The following ITGA8 variants were observed in gnomAD, a reference collection of about 807,000 sequenced individuals.
ITGA8 encodes the protein integrin subunit alpha 8.
Under a neutral mutation model 142.3 loss-of-function variants are expected in ITGA8, and 91 were observed. That is an observed-to-expected ratio of 0.64 (90% CI 0.54 to 0.76). The LOEUF is 0.76. Among genes scored for constraint, ITGA8 ranks in the 30% least tolerant of loss-of-function variants. The pLI is 0.00. For synonymous variants in ITGA8, 505 were observed against 485.2 expected, an observed-to-expected ratio of 1.04 and a Z score of -0.54; for missense variants, 1,406 against 1,327.7, an observed-to-expected ratio of 1.06 and a Z score of -0.92.
intron 8 of ITGA8, among the ~76,000 whole-genome samples, chr10:15,666,901 G>A (rs1211905231): frequency 3.9e-5 from 6 of 152,186 alleles, no homozygotes; most frequent in Admixed American, 2.0e-4. Context: ...TTTTTCATGT[G>A]CTGCTGGATT....
chr10:15,636,845 A>G (rs1833779700), intron 13 of ITGA8, among the ~76,000 whole-genome samples: 2 of 152,190 alleles, frequency 1.3e-5, no homozygotes, highest in Non-Finnish European at 2.9e-5. Context: ...GTAAGGCACA[A>G]TAGTGAAAAA....
chr10:15,516,981 G>A lies in ITGA8; in HGVS notation c.*177C>T. 1 of 483,306 alleles carries A rather than the reference G, an allele frequency of 2.1e-6. No homozygotes were observed. Among genetic ancestry groups the A allele is most frequent in the South Asian group, 2.7e-5 (1 of 37,548 alleles). 29.9% of individuals were successfully genotyped at this position (483,306 alleles called of 1,614,324 possible). ...TTTCCTTTTCCAACAGGGCTCACTGGGCACCCAGGACAATTTCTCCAAAGT... is the reference window on the plus strand; with the variant it reads ...TTTCCTTTTCCAACAGGGCTCACTGAGCACCCAGGACAATTTCTCCAAAGT... On this transcript the variant is annotated 3_prime_UTR_variant, in exon 30 of 30. Transcript: ENST00000378076.
intron 6 of ITGA8, 66 bp downstream of exon 6, chr10:15,677,526 A>T (rs1588717481): frequency 1.6e-6 from 2 of 1,271,294 alleles, no homozygotes; most frequent in East Asian, 2.4e-5. Context: ...ATTTAACACT[A>T]CTTCTGGGTC....
At chr10:15,664,686 T>G (rs1235202241) in intron 8 of ITGA8, among the ~76,000 whole-genome samples, 1 of 97,412 alleles carries the variant, frequency 1.0e-5, no homozygotes, top group Non-Finnish European at 1.9e-5. Context: ...CCCACAACAG[T>G]CCCCAGTGTG....
intron 13 of ITGA8, among the ~76,000 whole-genome samples, chr10:15,641,725 G>T (rs148253153): frequency 1.3e-5 from 2 of 152,074 alleles, no homozygotes; most frequent in Non-Finnish European, 2.9e-5. Context: ...GAGACAAGAC[G>T]CACAGCACTG....
chr10:15,683,297 C>CCATCCACA lies in ITGA8; in HGVS notation c.568+706_568+707insTGTGGATG, dbSNP rs1196047214. 6.4e-5 allele frequency among the ~76,000 whole-genome samples: 4 copies of CCATCCACA among 62,836 alleles called. No individual in the cohort carries two copies. In the East Asian group the frequency reaches 1.5e-3, roughly 23 times the overall value. 41.2% of individuals were successfully genotyped at this position (62,836 alleles called of 152,430 possible). ...TCCATCCATCCATCCATCCATCCACCCATCCACCCACCCACCCACCCACCC... is the reference window on the plus strand; with the variant it reads ...TCCATCCATCCATCCATCCATCCACCCATCCACACATCCACCCACCCACCCACCCACCC... On this transcript the variant is annotated intron_variant, in intron 4 of 29. Transcript: ENST00000378076.
chr10:15,677,302 C>T (rs1010554492), intron 6 of ITGA8, among the ~76,000 whole-genome samples: 1 of 152,146 alleles, frequency 6.6e-6, no homozygotes. Flanking sequence ...ATGTTCCCAA[C>T]ACAAATGATC....
chr10:15,595,969 T>C (rs747978667), intron 21 of ITGA8, among the ~76,000 whole-genome samples: 17 of 152,190 alleles, frequency 1.1e-4, no homozygotes, highest in Non-Finnish European at 2.1e-4. Context: ...GAGAATCACT[T>C]GAACCCGGGA....
At chr10:15,648,418 T>C (rs759715267) in intron 11 of ITGA8, among the ~76,000 whole-genome samples, 43 of 150,294 alleles carry the variant, frequency 2.9e-4, no homozygotes, top group Non-Finnish European at 4.9e-4. Flanking sequence ...GAATGATATA[T>C]AATAATGTAT....
At chr10:15,556,988 A>T (rs1428663737) in intron 26 of ITGA8, among the ~76,000 whole-genome samples, 1 of 152,214 alleles carries the variant, frequency 6.6e-6, no homozygotes, top group Non-Finnish European at 1.5e-5. Flanking sequence ...ATTCACTTTG[A>T]GCCCTTGCCA....
chr10:15,600,392 T>C (rs1162998479), intron 20 of ITGA8, among the ~76,000 whole-genome samples: 1 of 152,212 alleles, frequency 6.6e-6, no homozygotes. Flanking sequence ...CAATTATTAT[T>C]TGAAGGATGA....
At chr10:15,603,473 A>G (rs1315580832) in intron 20 of ITGA8, among the ~76,000 whole-genome samples, 2 of 152,170 alleles carry the variant, frequency 1.3e-5, no homozygotes, top group African/African-American at 2.4e-5. Context: ...CTTAATTGTG[A>G]GTTTGTATAT....
intron 27 of ITGA8, among the ~76,000 whole-genome samples, chr10:15,532,445 A>AAAAAAAAAAAAAAG (rs1833328713): frequency 7.7e-6 from 1 of 129,864 alleles, no homozygotes; most frequent in African/African-American, 2.8e-5. Context: ...AAAAAAAAAA[A>AAAAAAAAAAAAAAG]AGCCTCTAGT....
intron 28 of ITGA8, among the ~76,000 whole-genome samples, chr10:15,527,612 A>G (rs1243495957): frequency 6.6e-6 from 1 of 152,176 alleles, no homozygotes; most frequent in Non-Finnish European, 1.5e-5. Flanking sequence ...GAGGAATTTT[A>G]TTTGTTACAA....
Position 15,677,607 on chromosome 10 carries a change from T to A in ITGA8, c.661A>T (p.Ser221Cys). The A allele has an allele frequency of 6.2e-7, 1 of 1,613,486 alleles. No individual in the cohort carries two copies. Among genetic ancestry groups the A allele is most frequent in the Non-Finnish European group, 8.5e-7 (1 of 1,179,758 alleles). The change falls in exon 6 of 30, where the codon AGT becomes TGT. Residue 221 changes from serine (S) to cysteine (C), a missense_variant. Physicochemically the swap from Ser to Cys is moderately radical, Grantham distance 112. Coordinates refer to ENST00000378076, the MANE Select transcript of ITGA8 (RefSeq NM_003638.3). ...NGDLIVGGPGSFYWQGQVITA... is the reference protein window; with the variant it reads ...NGDLIVGGPGCFYWQGQVITA... ...CAGAACATACCTTGCCAGTAGAAAC[T>A]CCCAGGTCCTCCCACAATAAGGTCT...
chr10:15,553,929 G>A (rs897968756), intron 26 of ITGA8, among the ~76,000 whole-genome samples: 2 of 151,948 alleles, frequency 1.3e-5, no homozygotes, highest in African/African-American at 4.8e-5. Flanking sequence ...GGAGGCGGAG[G>A]TTGCAGTGAG....
chr10:15,612,235 A>C, intron 15 of ITGA8, among the ~76,000 whole-genome samples: 1 of 152,156 alleles, frequency 6.6e-6, no homozygotes, highest in Non-Finnish European at 1.5e-5. Context: ...GATGTTTTTC[A>C]AAGAATTCTT....
chr10:15,716,329 G>A (rs1835451108), intron 2 of ITGA8, among the ~76,000 whole-genome samples: 1 of 152,140 alleles, frequency 6.6e-6, no homozygotes, highest in Admixed American at 6.5e-5. Flanking sequence ...CTATATATTT[G>A]GAAGTAAAAT....
intron 3 of ITGA8, 87 bp downstream of exon 3, chr10:15,687,851 A>G (rs1834859291): frequency 1.2e-6 from 1 of 813,184 alleles, no homozygotes; most frequent in African/African-American, 1.7e-5. Context: ...TTCCTTTAGG[A>G]AAGAGCTTTC....
Sources: allele counts gnomAD v4.1 joint callset (sites outside exome capture counted in the v4.1 genomes callset), GRCh38; gene constraint gnomAD v4.1.1; transcripts MANE v1.5; gene names NCBI Gene and HGNC (gene_info 2026-07-23, HGNC 2026-07-21).